Variants in BABAM2 observed in about 807,000 individuals in gnomAD.
BABAM2 encodes BRISC and BRCA1 A complex member 2, also known as BRISC and BRCA1-A complex member 2.
A neutral mutation model predicts 54.7 loss-of-function variants in BABAM2; 31 were observed. The ratio of observed to expected loss-of-function variants is 0.57; its 90% CI spans 0.43 to 0.77. The LOEUF (loss-of-function observed/expected upper bound fraction) is 0.77. Among genes scored for constraint, BABAM2 ranks in the 30% least tolerant of loss-of-function variants. The probability of loss-of-function intolerance (pLI) is 0.00; values close to 1 mark genes in which losing one functional copy is unlikely to be tolerated. For synonymous variants in BABAM2, 167 were observed against 162.9 expected (o/e 1.03, Z -0.19); for missense variants, 364 against 455.8 (o/e 0.80, Z 1.83).
chr2:28,011,211 C>T (rs1179080791), intron 4 of BABAM2, among the ~76,000 whole-genome samples: 1 of 152,070 alleles, frequency 6.6e-6, no homozygotes, highest in African/African-American at 2.4e-5. Context: ...TATGTTTAGA[C>T]CAAGGATATT....
intron 3 of BABAM2, among the ~76,000 whole-genome samples, chr2:27,962,414 G>A (rs918705944): frequency 3.3e-5 from 5 of 152,128 alleles, no homozygotes; most frequent in Non-Finnish European, 5.9e-5. Context: ...TTTCTTTAAT[G>A]TGGGAAATAT....
chr2:28,338,691 G>A lies in BABAM2; in HGVS notation c.*178G>A. 1.5e-6 allele frequency: 1 copy of A among 649,628 alleles called. No individual in the cohort carries two copies. The highest frequency in any genetic ancestry group is 2.8e-5 in the East Asian group (1 of 35,724). 40.2% of individuals were successfully genotyped at this position (649,628 alleles called of 1,614,324 possible). Reference sequence around the variant, plus strand: ...GAAATCCAACTTGAGCTGGCTGGTGGTCCCTGGATCCTAGAGCCCTTCACT... The same window carrying A: ...GAAATCCAACTTGAGCTGGCTGGTGATCCCTGGATCCTAGAGCCCTTCACT... On this transcript the variant is annotated 3_prime_UTR_variant, in exon 12 of 12. Coordinates refer to ENST00000379624, the MANE Select transcript of BABAM2 (RefSeq NM_199191.3).
chr2:28,229,342 T>C (rs992489063), intron 7 of BABAM2, among the ~76,000 whole-genome samples: 8 of 152,212 alleles, frequency 5.3e-5, no homozygotes, highest in African/African-American at 1.9e-4. Flanking sequence ...ATCTGTAAGA[T>C]GGGATAACAC....
chr2:28,281,236 T>G (rs2148193813), intron 10 of BABAM2, among the ~76,000 whole-genome samples: 1 of 152,274 alleles, frequency 6.6e-6, no homozygotes, highest in Non-Finnish European at 1.5e-5. Flanking sequence ...CTGGTCCCTA[T>G]GGAGGAGGAC....
At chr2:28,071,686 C>T (rs1285710911) in intron 6 of BABAM2, among the ~76,000 whole-genome samples, 3 of 152,322 alleles carry the variant, frequency 2.0e-5, no homozygotes, top group Admixed American at 1.3e-4. Context: ...TCCAGCGTTA[C>T]AGTTCATATA....
At chr2:28,044,387 G>T (rs994790684) in intron 5 of BABAM2, among the ~76,000 whole-genome samples, 1 of 152,042 alleles carries the variant, frequency 6.6e-6, no homozygotes. Context: ...GTGCCACCAC[G>T]CCCGGCTAAT....
chr2:28,031,881 G>C (rs940413562), intron 5 of BABAM2, among the ~76,000 whole-genome samples: 2 of 152,168 alleles, frequency 1.3e-5, no homozygotes, highest in Non-Finnish European at 2.9e-5. Context: ...GAATAGAATT[G>C]TAAGCATATA....
chr2:28,102,625 T>C (rs1363490548), intron 6 of BABAM2, among the ~76,000 whole-genome samples: 2 of 152,224 alleles, frequency 1.3e-5, no homozygotes, highest in Non-Finnish European at 2.9e-5. Flanking sequence ...TCAATTCCAG[T>C]AAATTCCCAG....
At chr2:28,332,561 C>A (rs1283313253) in intron 11 of BABAM2, among the ~76,000 whole-genome samples, 1 of 152,198 alleles carries the variant, frequency 6.6e-6, no homozygotes, top group African/African-American at 2.4e-5. Flanking sequence ...CCACTTCCCC[C>A]ACTGCCTCCC....
At chr2:28,074,191 G>T (rs957518738) in intron 6 of BABAM2, among the ~76,000 whole-genome samples, 1 of 152,148 alleles carries the variant, frequency 6.6e-6, no homozygotes, top group Non-Finnish European at 1.5e-5. Flanking sequence ...TCAGAAAGTA[G>T]ACATGAATTT....
In BABAM2 at chr2:28,304,309, G is replaced by T. The variant is rs900504572; in HGVS notation, c.1088+5818G>T. Among the ~76,000 whole-genome samples the T allele has an allele frequency of 2.0e-5, 3 of 151,590 alleles. No homozygotes were observed. Among genetic ancestry groups the T allele is most frequent in the Non-Finnish European group, 4.4e-5 (3 of 67,922 alleles). ...GACTTCAGGTGATCCACCCGCCTCG[G>T]CCTCCCAAAGTGCTGGCATTACAGG... On this transcript the variant is annotated intron_variant, in intron 11 of 11. Transcript: ENST00000379624. This position sits in a 1 kb window ranked among gnomAD's most constrained non-coding sequence, Gnocchi z 4.0.
intron 7 of BABAM2, among the ~76,000 whole-genome samples, chr2:28,218,723 A>G (rs1225457962): frequency 6.6e-6 from 1 of 152,206 alleles, no homozygotes; most frequent in African/African-American, 2.4e-5. Flanking sequence ...TGTTGAGACT[A>G]TGTAAATGTC....
At chr2:28,330,715 C>T (rs967278409) in intron 11 of BABAM2, among the ~76,000 whole-genome samples, 5 of 152,208 alleles carry the variant, frequency 3.3e-5, no homozygotes, top group African/African-American at 1.2e-4. Context: ...ATTCCAAGCT[C>T]ATGGATAGGA....
chr2:28,026,963 T>A (rs1435639338), intron 5 of BABAM2, among the ~76,000 whole-genome samples: 1 of 74,042 alleles, frequency 1.4e-5, no homozygotes, highest in Admixed American at 2.5e-4. Flanking sequence ...TATATAAATA[T>A]ATATATAAAT....
Position 28,198,164 on chromosome 2 carries a change from C to CT in BABAM2, c.681-39025dup, listed in dbSNP as rs112924617. Among the ~76,000 whole-genome samples the CT allele has an allele frequency of 2.5e-3, 364 of 144,644 alleles. 2 individuals carry two copies. The highest frequency in any genetic ancestry group is 0.01 in the South Asian group (48 of 4,602). The allele number at this position is 144,644 out of a possible 152,430, so 94.9% of individuals were successfully genotyped here. A position where few individuals can be genotyped will look rare whatever the true frequency, so the allele number is the denominator to read the frequency against. On this transcript the variant is annotated intron_variant, in intron 7 of 11. Transcript: ENST00000379624. ...CTGAAAATTCACTACCACAGGACAG[C>CT]TTTTTTTTTTTTTGAGACTGAGTCT...
chr2:27,896,393 G>A (rs1395892651), intron 2 of BABAM2: 2 of 157,116 alleles, frequency 1.3e-5, no homozygotes, highest in Non-Finnish European at 2.8e-5. Context: ...AGGTGGTAGA[G>A]TTGTTCCTTT....
intron 11 of BABAM2, chr2:28,308,647 A>G: frequency 3.0e-6 from 1 of 332,132 alleles, no homozygotes; most frequent in South Asian, 2.6e-5. Flanking sequence ...AAACAAAAGC[A>G]TAGGTCCTCT....
intron 3 of BABAM2, among the ~76,000 whole-genome samples, chr2:27,977,529 A>G (rs1229773581): frequency 6.6e-6 from 1 of 152,214 alleles, no homozygotes; most frequent in African/African-American, 2.4e-5. Flanking sequence ...CTTTTAGTTA[A>G]TAAGAAGCAT....
intron 11 of BABAM2, among the ~76,000 whole-genome samples, chr2:28,334,381 G>A (rs574088087): frequency 1.5e-4 from 23 of 152,372 alleles, no homozygotes; most frequent in Admixed American, 6.5e-4. Flanking sequence ...TCAGGCCAGC[G>A]TCCAGGGCAG....
Sources: gnomAD v4.1 joint callset for allele counts (sites outside exome capture counted in the v4.1 genomes callset) on GRCh38, gnomAD v4.1.1 for gene constraint, Gnocchi (gnomAD v3.1) non-coding constraint, MANE v1.5 for transcripts, NCBI Gene and HGNC (gene_info 2026-07-23, HGNC 2026-07-21) for gene names.